Variants in ANK2 observed in about 807,000 individuals in gnomAD.
ANK2 encodes the protein ankyrin 2.
A neutral mutation model predicts 360.5 loss-of-function variants in ANK2; 83 were observed. That is an observed-to-expected ratio of 0.23 (90% CI 0.19 to 0.28). The LOEUF is 0.28. Among genes scored for constraint, ANK2 ranks in the 10% least tolerant of loss-of-function variants. The pLI is 1.00. For synonymous variants in ANK2, 1,740 were observed against 1,759.5 expected (o/e 0.99, Z 0.28); for missense variants, 4,201 against 4,795.7 (o/e 0.88, Z 3.66).
At chr4:112,721,812 G>T in the ANK2 span, among the ~76,000 whole-genome samples, 1 of 152,130 alleles carries the variant, frequency 6.6e-6, no homozygotes, top group Non-Finnish European at 1.5e-5. Flanking sequence ...TGGTAGAAAA[G>T]ATATCAAAAG....
intron 1 of ANK2, among the ~76,000 whole-genome samples, chr4:112,878,142 C>T (rs2075657316): frequency 6.7e-6 from 1 of 149,302 alleles, no homozygotes; most frequent in Non-Finnish European, 1.5e-5. Context: ...AGCTTTTCCC[C>T]TAACTTTAGA....
At chr4:113,270,602 T>C (rs2153674711) in intron 14 of ANK2, among the ~76,000 whole-genome samples, 1 of 152,282 alleles carries the variant, frequency 6.6e-6, no homozygotes, top group African/African-American at 2.4e-5. Flanking sequence ...CAGCTCTACC[T>C]CCCATTCTAA....
chr4:112,873,166 T>C (rs1328779970), intron 1 of ANK2, among the ~76,000 whole-genome samples: 1 of 152,088 alleles, frequency 6.6e-6, no homozygotes, highest in Non-Finnish European at 1.5e-5. Context: ...TTTCAAATAA[T>C]CAACTTTTGG....
In ANK2 at chr4:113,292,514, G is replaced by A. The variant is rs1443182604; in HGVS notation, c.2376G>A (p.Ala792=). The change falls in exon 21 of 46, where the codon GCG becomes GCA. Residue 792 remains alanine (A), a splice_region_variant and synonymous_variant. Coordinates refer to ENST00000357077, the MANE Select transcript of ANK2 (RefSeq NM_001148.6). The part of the protein sequence containing the change: ...QHGAKPNATT[A]NGNTALAIAK... Reference sequence around the variant, plus strand: ...GGGCCAAGCCCAACGCCACCACTGCGGTAAGGCAGACGCCACTGCCCCTCA... The same window carrying A: ...GGGCCAAGCCCAACGCCACCACTGCAGTAAGGCAGACGCCACTGCCCCTCA... The A allele has an allele frequency of 3.1e-6, 5 of 1,605,472 alleles. No homozygotes were observed. The highest frequency in any genetic ancestry group is 4.3e-6 in the Non-Finnish European group (5 of 1,175,560).
intron 21 of ANK2, 139 bp downstream of exon 21, chr4:113,292,653 T>G (rs2068365361): frequency 1.0e-6 from 1 of 971,318 alleles, no homozygotes; most frequent in Non-Finnish European, 1.6e-6. Context: ...CCCAGATTTT[T>G]GGGCAGGCTT....
At position 113,274,503 on chromosome 4, in the gene ANK2, G is replaced by A. The variant is rs2059563938; in HGVS notation, c.1537G>A (p.Val513Ile). ...IASRLGKTEI[V>I]QLLLQHMAHP... ...CTCCCGCCTGGGTAAGACAGAAATT[G>A]TCCAGCTGCTTCTACAACATATGGC... Residue 513 changes from valine to isoleucine, a missense_variant, in exon 15 of 46, where the codon GTC becomes ATC. Around this residue, in one of 4 missense-constraint regions of ANK2, gnomAD observed 1,268 missense variants for 1,650.8 expected, o/e 0.77. Transcript: ENST00000357077. The A allele has an allele frequency of 1.2e-6, 2 of 1,614,100 alleles. No homozygotes were observed. Among genetic ancestry groups the A allele is most frequent in the African/African-American group, 2.7e-5 (2 of 74,942 alleles).
intron 4 of ANK2, among the ~76,000 whole-genome samples, chr4:113,208,333 G>T (rs577448419): frequency 1.3e-5 from 2 of 152,004 alleles, no homozygotes; most frequent in East Asian, 3.9e-4. Context: ...GAGAAAAGGG[G>T]ACTGTTATAA....
At chr4:113,046,279 A>G (rs921341394), upstream of ANK2, among the ~76,000 whole-genome samples, 2 of 152,132 alleles carry the variant, frequency 1.3e-5, no homozygotes, top group Admixed American at 6.6e-5. Flanking sequence ...CAGAATTTAG[A>G]TGTTTACATC....
intron 18 of ANK2, among the ~76,000 whole-genome samples, chr4:113,284,464 G>C (rs988094092): frequency 6.6e-6 from 1 of 152,022 alleles, no homozygotes; most frequent in Admixed American, 6.6e-5. Context: ...TGCTTCTGAT[G>C]GTGTTATTTT....
intron 38 of ANK2, among the ~76,000 whole-genome samples, chr4:113,359,671 A>G (rs755462074): frequency 1.6e-4 from 24 of 152,180 alleles, no homozygotes; most frequent in Admixed American, 2.6e-4. Flanking sequence ...ATTTTGTTTC[A>G]TAGTATGAAG....
intron 2 of ANK2, among the ~76,000 whole-genome samples, chr4:112,911,584 A>T (rs554662925): frequency 1.3e-5 from 2 of 152,116 alleles, no homozygotes; most frequent in African/African-American, 4.8e-5. Context: ...CAGCCTGTTG[A>T]ATAGCTGGGA....
chr4:113,008,581 A>G (rs1203620299), intron 2 of ANK2, among the ~76,000 whole-genome samples: 2 of 152,182 alleles, frequency 1.3e-5, no homozygotes, highest in Non-Finnish European at 2.9e-5. Context: ...TCCTAAAATA[A>G]GCCTTTGGTA....
chr4:113,287,720 T>C lies in ANK2; in HGVS notation c.2178+17T>C, dbSNP rs775246396. 8.8e-6 allele frequency: 14 copies of C among 1,586,148 alleles called. No homozygotes were observed. Among genetic ancestry groups the C allele is most frequent in the Middle Eastern group, 1.7e-4 (1 of 6,018 alleles). ...CATACAAAGGTAAAGCAAATCACTC[T>C]CAGTATTGTGACAGGTTCTGGCTGG... is the stretch of plus-strand genomic sequence containing the variant. On this transcript the variant is annotated intron_variant, in intron 19 of 45. Coordinates refer to ENST00000357077, the MANE Select transcript of ANK2 (RefSeq NM_001148.6).
chr4:112,896,719 C>G (rs912825343), intron 1 of ANK2, among the ~76,000 whole-genome samples: 2 of 152,122 alleles, frequency 1.3e-5, no homozygotes, highest in East Asian at 3.9e-4. Flanking sequence ...CTGTAAATGC[C>G]AGGCTCAAAC....
At position 112,902,858 on chromosome 4, in the gene ANK2, A is replaced by G. The variant is rs188776569; in HGVS notation, c.-39-1597A>G. Among the ~76,000 whole-genome samples the G allele has an allele frequency of 2.7e-3, 417 of 152,338 alleles. 1 individual carries two copies. The highest frequency in any genetic ancestry group is 8.8e-3 in the African/African-American group (365 of 41,582). On this transcript the variant is annotated intron_variant, in intron 1 of 30. Transcript: ENST00000503271. Reference sequence around the variant, plus strand: ...CATCTGTTGAAATTATAATCTTTTAATCTAGACAAAGAGTAGATCAAGTAA... The same window carrying G: ...CATCTGTTGAAATTATAATCTTTTAGTCTAGACAAAGAGTAGATCAAGTAA...
At chr4:112,862,623 G>T (rs2068498925) in intron 1 of ANK2, among the ~76,000 whole-genome samples, 1 of 152,132 alleles carries the variant, frequency 6.6e-6, no homozygotes, top group Admixed American at 6.5e-5. Flanking sequence ...CTTCATATTA[G>T]ATGGCAATAA....
intron 1 of ANK2, among the ~76,000 whole-genome samples, chr4:113,098,240 A>C (rs2092027774): frequency 6.6e-6 from 1 of 151,966 alleles, no homozygotes; most frequent in South Asian, 2.1e-4. Flanking sequence ...AATTTAAAAC[A>C]ATAGAGTAAA....
chr4:113,180,129 A>G (rs1328577386), intron 2 of ANK2, among the ~76,000 whole-genome samples: 1 of 152,262 alleles, frequency 6.6e-6, no homozygotes, highest in Non-Finnish European at 1.5e-5. Context: ...TTTAGCAACA[A>G]GAAGATACAC....
the ANK2 span, among the ~76,000 whole-genome samples, chr4:112,789,261 G>T: frequency 6.6e-6 from 1 of 152,184 alleles, no homozygotes; most frequent in Non-Finnish European, 1.5e-5. Flanking sequence ...GAGGTTCTCA[G>T]CTTACTAGAA....
Sources: allele counts gnomAD v4.1 joint callset (sites outside exome capture counted in the v4.1 genomes callset), GRCh38; gene constraint gnomAD v4.1.1; regional missense constraint gnomAD v4.1.1; transcripts MANE v1.5; gene names NCBI Gene and HGNC (gene_info 2026-07-23, HGNC 2026-07-21).